Variants in CDC123 observed in about 807,000 individuals in gnomAD.
The protein encoded by CDC123 is cell division cycle 123.
A neutral mutation model predicts 54.4 loss-of-function variants in CDC123; 37 were observed. The ratio of observed to expected loss-of-function variants is 0.68; its 90% CI spans 0.52 to 0.89. CDC123 has a LOEUF of 0.89. Ranked by LOEUF, CDC123 falls within the 40% of genes least tolerant of loss-of-function variation. The pLI, the probability that CDC123 is intolerant of heterozygous loss-of-function variation, is 0.00. For missense variants in CDC123, 361 were observed against 412.1 expected (o/e 0.88, Z 1.07); for synonymous variants, 144 against 136.8 (o/e 1.05, Z -0.37).
chr10:12,223,130 A>G (rs1588676284), intron 6 of CDC123, among the ~76,000 whole-genome samples: 1 of 151,750 alleles, frequency 6.6e-6, no homozygotes, highest in East Asian at 1.9e-4. Flanking sequence ...TCCTGACCTC[A>G]TGATCCGCCC....
chr10:12,202,045 A>G (rs1835447019), intron 2 of CDC123, among the ~76,000 whole-genome samples: 3 of 152,222 alleles, frequency 2.0e-5, no homozygotes, highest in Admixed American at 6.5e-5. Context: ...AAACCTCACA[A>G]TCTGTTGAGA....
intron 4 of CDC123, 99 bp downstream of exon 4, chr10:12,210,421 G>A: frequency 7.2e-7 from 1 of 1,388,254 alleles, no homozygotes; most frequent in Non-Finnish European, 9.9e-7. Flanking sequence ...TTCCTAGTCA[G>A]TCACCATCTC....
intron 7 of CDC123, among the ~76,000 whole-genome samples, chr10:12,232,704 T>C (rs1453960712): frequency 6.6e-6 from 1 of 152,212 alleles, no homozygotes; most frequent in African/African-American, 2.4e-5. Flanking sequence ...CAGCTATTGC[T>C]TCACGCAACG....
At chr10:12,229,118 G>A (rs1012394036) in intron 6 of CDC123, among the ~76,000 whole-genome samples, 4 of 151,944 alleles carry the variant, frequency 2.6e-5, no homozygotes, top group East Asian at 1.9e-4. Context: ...TCATCTCCCC[G>A]AGGCTATTGC....
chr10:12,250,017 TCTCTG>T (rs1241985395), intron 12 of CDC123: 31 of 480,444 alleles, frequency 6.5e-5, no homozygotes, highest in Middle Eastern at 5.4e-4. Flanking sequence ...GGAGAGCAGG[TCTCTG>T]CTCTGGTGGT....
rs185092633 is a variant in CDC123, at chr10:12,213,579, G to C, written c.238-2161G>C. 1.4e-4 allele frequency among the ~76,000 whole-genome samples: 21 copies of C among 150,070 alleles called. No individual in the cohort carries two copies. In the East Asian group the frequency reaches 3.9e-3, roughly 28 times the overall value. Reference sequence around the variant, plus strand: ...AAAAGTTTCAGTTTTTTTTTTTTCTGTAGAAGACGTTACTAGGACACTTGG... The same window carrying C: ...AAAAGTTTCAGTTTTTTTTTTTTCTCTAGAAGACGTTACTAGGACACTTGG... On this transcript the variant is annotated intron_variant, in intron 4 of 12. Coordinates refer to ENST00000281141, the MANE Select transcript of CDC123 (RefSeq NM_006023.3).
chr10:12,218,392 A>G (rs1160675115), intron 6 of CDC123, among the ~76,000 whole-genome samples: 3 of 151,592 alleles, frequency 2.0e-5, no homozygotes, highest in Non-Finnish European at 4.4e-5. Flanking sequence ...GGCATGCACC[A>G]CCACACCCGG....
At chr10:12,233,126 T>C (rs1835925033) in intron 7 of CDC123, among the ~76,000 whole-genome samples, 1 of 152,144 alleles carries the variant, frequency 6.6e-6, no homozygotes, top group African/African-American at 2.4e-5. Context: ...TGCTCTCTTA[T>C]TGCCGTTTTG....
At chr10:12,232,766 AAG>A (rs1835918644) in intron 7 of CDC123, among the ~76,000 whole-genome samples, 1 of 149,900 alleles carries the variant, frequency 6.7e-6, no homozygotes, top group Non-Finnish European at 1.5e-5. Context: ...AGGTATGAGA[AAG>A]AGATCATTTC....
At chr10:12,209,881 A>T in intron 2 of CDC123, 86 bp from the exon 3 acceptor site, 2 of 1,316,400 alleles carry the variant, frequency 1.5e-6, no homozygotes, top group Non-Finnish European at 2.2e-6. Context: ...AAGGCTATTT[A>T]AAAACATATA....
At chr10:12,211,836 C>T (rs984173213) in intron 4 of CDC123, among the ~76,000 whole-genome samples, 23 of 152,248 alleles carry the variant, frequency 1.5e-4, no homozygotes, top group Admixed American at 9.8e-4. Context: ...GGGCCTGGCG[C>T]GGTGGCCGAT....
At chr10:12,212,669 A>G (rs1328221197) in intron 4 of CDC123, among the ~76,000 whole-genome samples, 1 of 152,204 alleles carries the variant, frequency 6.6e-6, no homozygotes, top group Non-Finnish European at 1.5e-5. Context: ...ACATGACACC[A>G]CAAGTGGAAA....
intron 6 of CDC123, among the ~76,000 whole-genome samples, chr10:12,218,795 C>T (rs985980403): frequency 6.6e-6 from 1 of 152,196 alleles, no homozygotes. Flanking sequence ...GCCAGTCACT[C>T]TATAGCTAAA....
chr10:12,200,119 C>CCTTTTTTTTTTTTTTTTTTTTTT (rs1564431631), intron 2 of CDC123, among the ~76,000 whole-genome samples: 1 of 24,270 alleles, frequency 4.1e-5, no homozygotes, highest in African/African-American at 1.1e-4. Context: ...CCGCACTCGG[C>CCTTTTTTTTTTTTTTTTTTTTTT]ATTTTTTTTT....
intron 6 of CDC123, among the ~76,000 whole-genome samples, chr10:12,220,130 C>T (rs1367665455): frequency 6.6e-5 from 10 of 152,072 alleles, no homozygotes; most frequent in Admixed American, 3.3e-4. Flanking sequence ...TGTGCCTGGC[C>T]CTTATAAGGA....
chr10:12,220,833 C>T (rs1034933175), intron 6 of CDC123, among the ~76,000 whole-genome samples: 10 of 151,970 alleles, frequency 6.6e-5, no homozygotes, highest in African/African-American at 2.2e-4. Context: ...AAAAATTAGC[C>T]GGGCGTGGTG....
chr10:12,203,086 T>G (rs1488976638), intron 2 of CDC123, among the ~76,000 whole-genome samples: 1 of 152,144 alleles, frequency 6.6e-6, no homozygotes, highest in Non-Finnish European at 1.5e-5. Flanking sequence ...GGGTGAGGTG[T>G]AGGGGAAGGG....
intron 4 of CDC123, among the ~76,000 whole-genome samples, chr10:12,211,584 A>T (rs1835601903): frequency 6.6e-6 from 1 of 152,184 alleles, no homozygotes; most frequent in Non-Finnish European, 1.5e-5. Flanking sequence ...TGCCATACTC[A>T]GGGCACTAAA....
At chr10:12,203,825 G>A (rs1835477380) in intron 2 of CDC123, among the ~76,000 whole-genome samples, 1 of 152,184 alleles carries the variant, frequency 6.6e-6, no homozygotes, top group African/African-American at 2.4e-5. Flanking sequence ...CAGCTGTGGT[G>A]GCTCATGCCT....
Sources: gnomAD v4.1 joint callset for allele counts (sites outside exome capture counted in the v4.1 genomes callset) on GRCh38, gnomAD v4.1.1 for gene constraint, MANE v1.5 for transcripts, NCBI Gene and HGNC (gene_info 2026-07-23, HGNC 2026-07-21) for gene names.